Variants in TMEM25 observed in about 807,000 individuals in gnomAD.
TMEM25 encodes the protein transmembrane protein 25, also known as 0610039J01Rik.
A neutral mutation model predicts 37.0 loss-of-function variants in TMEM25; 36 were observed. The observed-to-expected ratio is 0.97, with a 90% CI of 0.75 to 1.28. The LOEUF (loss-of-function observed/expected upper bound fraction) is 1.28. TMEM25 is among the 50% of genes most tolerant of loss of function. The probability of loss-of-function intolerance (pLI) is 0.00; values close to 1 mark genes in which losing one functional copy is unlikely to be tolerated. For missense variants in TMEM25, 444 were observed against 477.9 expected, an observed-to-expected ratio of 0.93 and a Z score of 0.66; for synonymous variants, 197 against 203.7, an observed-to-expected ratio of 0.97 and a Z score of 0.28.
chr11:118,545,257 C>G, intron 8 of TMEM25: 1 of 745,356 alleles, frequency 1.3e-6, no homozygotes, highest in South Asian at 1.7e-5. Context: ...TCCATCCCTG[C>G]CTCCTTTGCT....
intron 8 of TMEM25, among the ~76,000 whole-genome samples, chr11:118,544,051 G>A (rs1415178025): frequency 6.6e-6 from 1 of 151,894 alleles, no homozygotes; most frequent in Admixed American, 6.6e-5. Context: ...CACATGATCT[G>A]CCTGCCTGGG....
At chr11:118,532,553 A>C in intron 3 of TMEM25, 92 bp downstream of exon 3, 1 of 1,392,932 alleles carries the variant, frequency 7.2e-7, no homozygotes, top group Middle Eastern at 1.9e-4. Context: ...CATTTAGCAG[A>C]CACTTAAGCA....
intron 4 of TMEM25, 37 bp downstream of exon 4, chr11:118,533,244 G>T (rs1555060699): frequency 6.4e-7 from 1 of 1,564,734 alleles, no homozygotes; most frequent in Admixed American, 1.8e-5. Context: ...CAAAGCTTCA[G>T]GTGGGCTCAG....
In TMEM25 at chr11:118,532,977, T is replaced by G. The variant is rs782693163; in HGVS notation, c.443T>G (p.Leu148Arg). 1.2e-6 allele frequency: 2 copies of G among 1,614,140 alleles called. No individual in the cohort carries two copies. The highest frequency in any genetic ancestry group is 1.7e-6 in the Non-Finnish European group (2 of 1,180,042). Residue 148 changes from leucine (L) to arginine (R), a missense_variant, in exon 4 of 9, where the codon CTG (leucine) becomes CGG (arginine). Transcript: ENST00000313236. ...KYQEAQGPGL[L>R]VVLFALVRAN... ...CAGGAAGCTCAGGGCCCAGGCCTCC[T>G]GGTTGTCCTGTTTGCCCTGGTGCGT...
At chr11:118,536,023 G>A (rs1166599904), downstream of TMEM25, among the ~76,000 whole-genome samples, 2 of 147,522 alleles carry the variant, frequency 1.4e-5, no homozygotes, top group Non-Finnish European at 3.0e-5. Flanking sequence ...GACTGTAGAC[G>A]CCTACCACCA....
intron 4 of TMEM25, 55 bp downstream of exon 4, chr11:118,533,262 G>C (rs1036801545): frequency 2.7e-5 from 42 of 1,557,008 alleles, no homozygotes; most frequent in Non-Finnish European, 3.4e-5. Flanking sequence ...CAGGGGTCCC[G>C]TCCCCATACA....
At position 118,535,542 on chromosome 11, in the gene TMEM25, C is replaced by G; in HGVS notation, c.*962C>G. On this transcript the variant is annotated 3_prime_UTR_variant, in exon 9 of 9. Transcript: ENST00000313236. ...TCCACCACGGGACCCCAGCCCTGAC[C>G]AACCCATGGTTGCCTCATCAGCAGG... is the stretch of plus-strand genomic sequence containing the variant. 1 of 1,535,744 alleles carries G rather than the reference C, an allele frequency of 6.5e-7. No homozygotes were observed. The highest frequency in any genetic ancestry group is 8.7e-7 in the Non-Finnish European group (1 of 1,146,692).
Position 118,540,919 on chromosome 11 carries a change from A to G in TMEM25, c.1028-5200A>G, listed in dbSNP as rs534882497. ...AGAGTAGGCAAATCTGCAGAGTCAG[A>G]GAGCAAGTTAGTGGTTGCCAGGGTC... On this transcript the variant is annotated intron_variant, in intron 8 of 8. Transcript: ENST00000354284. 9.9e-5 allele frequency among the ~76,000 whole-genome samples: 15 copies of G among 152,260 alleles called. No individual in the cohort carries two copies. The South Asian group carries it at 3.1e-3, about 32-fold the overall frequency.
Position 118,534,115 on chromosome 11 carries a change from C to T in TMEM25, c.923C>T (p.Thr308Ile), listed in dbSNP as rs781936331. The T allele has an allele frequency of 6.2e-7, 1 of 1,614,182 alleles. No homozygotes were observed. ...LPSNLQLNDL[T>I]PDSRAVKPAD... ...TCCAACCTTCAGCTCAATGACCTCA[C>T]TCCAGATTCCAGAGGTATATCTAGG... Residue 308 changes from threonine (T) to isoleucine (I), a missense_variant, in exon 7 of 9, where the codon ACT (threonine) becomes ATT (isoleucine). By Grantham distance (89) the Thr-to-Ile change is moderately conservative (BLOSUM62 -1). Coordinates refer to ENST00000313236, the MANE Select transcript of TMEM25 (RefSeq NM_032780.4). The surrounding 1 kb of genome is among the most constrained non-coding windows in gnomAD (Gnocchi z 4.6).
rs781890631 is a variant in TMEM25 at position 118,533,086 on chromosome 11, G to A, written c.552G>A (p.Ala184=). 9.9e-6 allele frequency: 16 copies of A among 1,613,822 alleles called. No individual in the cohort carries two copies. Among genetic ancestry groups the A allele is most frequent in the East Asian group, 4.5e-5 (2 of 44,872 alleles). ...VNTSDFLVLD[A]QNYPWLTNHT... is the part of the protein sequence containing the mutation. ...CCTCTGACTTCCTGGTGCTGGATGC[G>A]CAGAACTACCCCTGGCTCACCAACC... Residue 184 remains alanine (A), a synonymous_variant, in exon 4 of 9, where the codon GCG becomes GCA. Coordinates refer to ENST00000313236, the MANE Select transcript of TMEM25 (RefSeq NM_032780.4).
At chr11:118,531,265 C>T in intron 1 of TMEM25, 31 bp downstream of exon 1, 2 of 369,508 alleles carry the variant, frequency 5.4e-6, no homozygotes, top group Non-Finnish European at 5.0e-6. Flanking sequence ...GGGGCGGGGG[C>T]GGGATGCTCG....
chr11:118,540,643 G>C (rs2135436631), downstream of TMEM25, among the ~76,000 whole-genome samples: 1 of 152,332 alleles, frequency 6.6e-6, no homozygotes, highest in South Asian at 2.1e-4. Flanking sequence ...GCAAACTACT[G>C]TCCCAATTCT....
intron 8 of TMEM25, among the ~76,000 whole-genome samples, chr11:118,543,589 G>A (rs141673432): frequency 0.013 from 1,992 of 152,132 alleles, 49 homozygotes; most frequent in African/African-American, 0.046. Flanking sequence ...CTGGGTTCAA[G>A]TGATTCTCCT....
At chr11:118,532,660 G>A in intron 3 of TMEM25, 199 bp downstream of exon 3, 3 of 798,272 alleles carry the variant, frequency 3.8e-6, no homozygotes, top group Non-Finnish European at 5.8e-6. Flanking sequence ...GAGGCAGAAA[G>A]AGGTAAGCAA....
chr11:118,533,930 C>T (rs1199759279), intron 6 of TMEM25, 43 bp downstream of exon 6: 7 of 1,613,938 alleles, frequency 4.3e-6, no homozygotes, highest in Non-Finnish European at 5.9e-6. Flanking sequence ...AACCGAAATG[C>T]AGGATGGGGA....
In TMEM25 at chr11:118,532,492, G is replaced by C. The variant is rs377709210; in HGVS notation, c.382+31G>C. On this transcript the variant is annotated intron_variant, in intron 3 of 8. Coordinates refer to ENST00000313236, the MANE Select transcript of TMEM25 (RefSeq NM_032780.4). The stretch of plus-strand genomic sequence containing the variant: ...TGGCCCTGAGGTGGGCAGGGAGATA[G>C]GTTCTTTGCCCAGGGACCCCCAGCA... 2.5e-6 allele frequency: 4 copies of C among 1,578,500 alleles called. 1 individual carries two copies. The South Asian group carries it at 4.6e-5, about 18-fold the overall frequency.
At chr11:118,546,415 C>T (rs1039941305) in exon 9 of TMEM25, 1 of 443,944 alleles carries the variant, frequency 2.3e-6, no homozygotes, top group Admixed American at 3.5e-5. Flanking sequence ...TGCTTGAGTC[C>T]AGCAGGTTGA....
Position 118,533,074 on chromosome 11 carries a change from G to T in TMEM25, c.540G>T (p.Leu180=). 1 of 1,614,110 alleles carries T rather than the reference G, an allele frequency of 6.2e-7. No homozygotes were observed. The change falls in exon 4 of 9, where the codon CTG becomes CTT. Residue 180 remains leucine, a synonymous_variant. Coordinates refer to ENST00000313236, the MANE Select transcript of TMEM25 (RefSeq NM_032780.4). ...TGACTGTCAACACCTCTGACTTCCTGGTGCTGGATGCGCAGAACTACCCCT... is the reference window on the plus strand; with the variant it reads ...TGACTGTCAACACCTCTGACTTCCTTGTGCTGGATGCGCAGAACTACCCCT... ...GPVTVNTSDF[L]VLDAQNYPWL... is the part of the protein sequence containing the mutation.
intron 8 of TMEM25, chr11:118,545,625 G>T: frequency 1.9e-6 from 2 of 1,056,368 alleles, no homozygotes; most frequent in African/African-American, 1.6e-5. Context: ...TACCCAGCAG[G>T]TAGTCACATA....
Sources: gnomAD v4.1 joint callset for allele counts (sites outside exome capture counted in the v4.1 genomes callset) on GRCh38, gnomAD v4.1.1 for gene constraint, Gnocchi (gnomAD v3.1) non-coding constraint, MANE v1.5 for transcripts, NCBI Gene and HGNC (gene_info 2026-07-23, HGNC 2026-07-21) for gene names.